TMEM165: variants seen among roughly 807,000 people sequenced by gnomAD.
TMEM165 encodes the protein putative divalent cation/proton antiporter TMEM165.
In TMEM165, 19 loss-of-function variants were observed where a neutral mutation model predicts 30.0. That is an observed-to-expected ratio of 0.63 (90% CI 0.44 to 0.93). The LOEUF (loss-of-function observed/expected upper bound fraction) is 0.93. Ranked by LOEUF, TMEM165 falls within the 40% of genes least tolerant of loss-of-function variation. The probability of loss-of-function intolerance (pLI) is 0.00; values close to 1 mark genes in which losing one functional copy is unlikely to be tolerated. For missense variants in TMEM165, 340 were observed against 417.0 expected, an observed-to-expected ratio of 0.82 and a Z score of 1.61; for synonymous variants, 168 against 162.9, an observed-to-expected ratio of 1.03 and a Z score of -0.24.
At chr4:55,400,561 C>CCAAGT (rs1300312392) in intron 1 of TMEM165, among the ~76,000 whole-genome samples, 6 of 142,252 alleles carry the variant, frequency 4.2e-5, no homozygotes, top group African/African-American at 1.5e-4. Context: ...CCTCAGCCTC[C>CCAAGT]AGCATAGCTG....
At chr4:55,420,121 A>T (rs1721908300) in intron 4 of TMEM165, among the ~76,000 whole-genome samples, 3 of 44,652 alleles carry the variant, frequency 6.7e-5, no homozygotes, top group African/African-American at 1.8e-4. Flanking sequence ...ATATATATAT[A>T]CATATATATT....
chr4:55,435,279 A>T, intron 3 of TMEM165: 1 of 1,035,664 alleles, frequency 9.7e-7, no homozygotes. Context: ...TCTGCCAACT[A>T]ATTCCAGGAA....
chr4:55,414,608 C>T (rs1317945519), intron 2 of TMEM165, among the ~76,000 whole-genome samples: 1 of 152,154 alleles, frequency 6.6e-6, no homozygotes, highest in Non-Finnish European at 1.5e-5. Context: ...TCCCCTTGCC[C>T]CTGACCCCTC....
chr4:55,417,175 A>T lies in TMEM165; in HGVS notation c.537A>T (p.Leu179Phe). ...GCATTAGAATGCTTCGGGAAGGCTT[A>T]AAGATGAGCCCTGATGAGGGTCAAG... Reference protein sequence around the residue: ...IFGIRMLREGLKMSPDEGQEE... With the variant: ...IFGIRMLREGFKMSPDEGQEE... The change falls in exon 3 of 6, where the codon TTA becomes TTT. Residue 179 changes from leucine (L) to phenylalanine (F), a missense_variant. Around this residue, in one of 2 missense-constraint regions of TMEM165, gnomAD observed 220 missense variants for 307.6 expected, o/e 0.72. Transcript: ENST00000381334. 1.2e-6 allele frequency: 2 copies of T among 1,614,138 alleles called. No individual in the cohort carries two copies. Among genetic ancestry groups the T allele is most frequent in the Non-Finnish European group, 1.7e-6 (2 of 1,180,030 alleles).
intron 3 of TMEM165, chr4:55,450,337 A>G: frequency 7.6e-7 from 1 of 1,315,024 alleles, no homozygotes; most frequent in Non-Finnish European, 1.1e-6. Context: ...TGTCTATAAC[A>G]AGGCAAAAGT....
chr4:55,417,913 T>C lies in TMEM165; in HGVS notation c.720T>C (p.Ala240=), dbSNP rs140944866. 1 of 1,614,156 alleles carries C rather than the reference T, an allele frequency of 6.2e-7. No individual in the cohort carries two copies. ...TTATTTCACCCATTTTTGTTCAAGC[T>C]CTTACATTAACATTCTTAGCAGAAT... ...LHFISPIFVQ[A]LTLTFLAEWG... The change falls in exon 4 of 6, where the codon GCT becomes GCC. Residue 240 remains alanine (A), a synonymous_variant. Coordinates refer to ENST00000381334, the MANE Select transcript of TMEM165 (RefSeq NM_018475.5).
chr4:55,423,465 C>T (rs538463782), intron 4 of TMEM165: 1 of 152,298 alleles, frequency 6.6e-6, no homozygotes, highest in African/African-American at 2.4e-5. Flanking sequence ...GGGTCTTGCT[C>T]TGTTGCCCAG....
chr4:55,412,362 C>G (rs1721541308), intron 2 of TMEM165, among the ~76,000 whole-genome samples: 1 of 137,458 alleles, frequency 7.3e-6, no homozygotes, highest in Non-Finnish European at 1.5e-5. Context: ...CCACTACACT[C>G]CAGCCTGGGT....
At chr4:55,418,062 A>G in intron 4 of TMEM165, 77 bp downstream of exon 4, 1 of 1,350,390 alleles carries the variant, frequency 7.4e-7, no homozygotes, top group South Asian at 1.5e-5. Flanking sequence ...CACTGGACAC[A>G]CTGAAGTGGG....
intron 1 of TMEM165, among the ~76,000 whole-genome samples, chr4:55,400,582 C>T (rs909891561): frequency 2.1e-5 from 3 of 142,596 alleles, no homozygotes; most frequent in South Asian, 4.2e-4. Flanking sequence ...GGACTACAGG[C>T]GCCCGCCACC....
chr4:55,422,851 A>G (rs1413552661), intron 4 of TMEM165, among the ~76,000 whole-genome samples: 1 of 151,354 alleles, frequency 6.6e-6, no homozygotes, highest in East Asian at 2.0e-4. Context: ...GCATTTCACC[A>G]TGTTTCAGTC....
At position 55,448,583 on chromosome 4, in the gene TMEM165, TGC is replaced by T. The variant is rs1016031959; in HGVS notation, c.409-3647_409-3646del. On this transcript the variant is annotated intron_variant, in intron 3 of 3. Coordinates refer to the TMEM165 transcript ENST00000608091. Reference sequence around the variant, plus strand: ...GCATCTGTAACTATAATTATATATGTGCGCGCGCGCACGCGCGCGTGTGTGTG... The same window carrying T: ...GCATCTGTAACTATAATTATATATGTGCGCGCGCACGCGCGCGTGTGTGTG... 3.3e-4 allele frequency among the ~76,000 whole-genome samples: 35 copies of T among 106,080 alleles called. 1 individual carries two copies. The South Asian group carries it at 0.011, about 33-fold the overall frequency. The allele number at this position is 106,080 out of a possible 152,430, so 69.6% of individuals were successfully genotyped here. A position where few individuals can be genotyped will look rare whatever the true frequency, so the allele number is the denominator to read the frequency against.
intron 4 of TMEM165, chr4:55,422,998 A>T (rs1228337054): frequency 1.3e-5 from 2 of 152,178 alleles, no homozygotes; most frequent in East Asian, 3.9e-4. Context: ...AATTTGTAGC[A>T]TAGTAGTGTG....
intron 1 of TMEM165, among the ~76,000 whole-genome samples, chr4:55,401,258 C>G (rs1034211811): frequency 1.3e-5 from 2 of 150,594 alleles, no homozygotes; most frequent in Non-Finnish European, 2.9e-5. Context: ...CAAGATTAAC[C>G]CCCAATTTAC....
chr4:55,449,681 A>G (rs1724249295), intron 3 of TMEM165, among the ~76,000 whole-genome samples: 1 of 152,230 alleles, frequency 6.6e-6, no homozygotes, highest in Non-Finnish European at 1.5e-5. Context: ...GAGCACAAAG[A>G]AAATAGTTGA....
intron 3 of TMEM165, chr4:55,442,662 C>T: frequency 6.4e-7 from 1 of 1,556,362 alleles, no homozygotes; most frequent in Non-Finnish European, 8.9e-7. Context: ...ATTTTATAGA[C>T]AGATTAACTG....
intron 1 of TMEM165, among the ~76,000 whole-genome samples, chr4:55,403,723 G>A (rs1443854611): frequency 2.6e-5 from 4 of 152,092 alleles, no homozygotes; most frequent in Non-Finnish European, 5.9e-5. Context: ...TAACTGAATA[G>A]TGGAATACCA....
At chr4:55,438,623 A>G (rs975239895) in intron 3 of TMEM165, 22 of 1,591,152 alleles carry the variant, frequency 1.4e-5, no homozygotes, top group Non-Finnish European at 1.8e-5. Context: ...CTTACCTAAG[A>G]TAATACCCAA....
At chr4:55,437,632 A>G (rs1722988785) in intron 3 of TMEM165, among the ~76,000 whole-genome samples, 1 of 152,222 alleles carries the variant, frequency 6.6e-6, no homozygotes, top group African/African-American at 2.4e-5. Flanking sequence ...TACAAGCACT[A>G]TTAATCCATG....
Sources: allele counts gnomAD v4.1 joint callset (sites outside exome capture counted in the v4.1 genomes callset), GRCh38; gene constraint gnomAD v4.1.1; regional missense constraint gnomAD v4.1.1; transcripts MANE v1.5; gene names NCBI Gene and HGNC (gene_info 2026-07-23, HGNC 2026-07-21).